The following IFT74 variants were observed in gnomAD, a reference collection of about 807,000 sequenced individuals.
The protein encoded by IFT74 is intraflagellar transport protein 74 homolog.
Under a neutral mutation model 96.7 loss-of-function variants are expected in IFT74, and 92 were observed. That is an observed-to-expected ratio of 0.95 (90% CI 0.80 to 1.13). IFT74 has a LOEUF of 1.13. IFT74 is among the 50% of genes most tolerant of loss of function. The probability of loss-of-function intolerance (pLI) is 0.00; values close to 1 mark genes in which losing one functional copy is unlikely to be tolerated. For synonymous variants in IFT74, 223 were observed against 213.2 expected (o/e 1.05, Z -0.40); for missense variants, 811 against 698.2 (o/e 1.16, Z -1.82).
chr9:27,016,834 T>C (rs1829365036), intron 10 of IFT74, 73 bp from the exon 11 acceptor site: 3 of 1,240,898 alleles, frequency 2.4e-6, no homozygotes, highest in Admixed American at 5.2e-5. Flanking sequence ...CCCATTCTTA[T>C]AAACTGAAAC....
rs1449113390 is a variant in IFT74 at position 27,064,828 on chromosome 9, A to G, written c.*2092A>G. On this transcript the variant is annotated 3_prime_UTR_variant, in exon 20 of 20. Coordinates refer to ENST00000380062, the MANE Select transcript of IFT74 (RefSeq NM_025103.4). ...AACCAACTTAGTAATTTTTACTATT[A>G]GTAATAAGGGTTTTTTTCTGAGTGG... 6.6e-6 allele frequency among the ~76,000 whole-genome samples: 1 copy of G among 152,024 alleles called. No individual in the cohort carries two copies. Among genetic ancestry groups the G allele is most frequent in the Non-Finnish European group, 1.5e-5 (1 of 67,978 alleles).
chr9:26,948,448 A>ATTATTATTTTTTTT (rs1825819541), intron 1 of IFT74, among the ~76,000 whole-genome samples: 23 of 59,166 alleles, frequency 3.9e-4, no homozygotes, highest in Non-Finnish European at 7.3e-4. Context: ...GCTTTCCATT[A>ATTATTATTTTTTTT]TTTTTTTTTT....
At chr9:26,963,360 G>T (rs1826454581) in intron 2 of IFT74, among the ~76,000 whole-genome samples, 1 of 151,650 alleles carries the variant, frequency 6.6e-6, no homozygotes, top group African/African-American at 2.4e-5. Context: ...GTCTATCATT[G>T]TTGGACATTT....
At chr9:26,982,220 G>A (rs985911077) in intron 4 of IFT74, 6 of 298,174 alleles carry the variant, frequency 2.0e-5, no homozygotes, top group African/African-American at 9.1e-5. Flanking sequence ...GTATGTATTT[G>A]GTCAGTTGCT....
At chr9:26,967,681 G>A (rs891615887) in intron 2 of IFT74, among the ~76,000 whole-genome samples, 2 of 152,114 alleles carry the variant, frequency 1.3e-5, no homozygotes, top group Non-Finnish European at 2.9e-5. Flanking sequence ...AGATCTTAGA[G>A]GAAAGGCTTT....
At chr9:27,045,925 A>G (rs1190175020) in intron 14 of IFT74, among the ~76,000 whole-genome samples, 1 of 152,172 alleles carries the variant, frequency 6.6e-6, no homozygotes, top group Non-Finnish European at 1.5e-5. Context: ...ACACCACAGT[A>G]TTGGAAATTA....
chr9:27,016,975 C>A lies in IFT74; in HGVS notation c.858C>A (p.Ser286=), dbSNP rs774018535. The change falls in exon 11 of 20, where the codon TCC becomes TCA. Residue 286 remains serine, a synonymous_variant. Transcript: ENST00000380062. ...LLHEKLYELE[S]HRDQMIAEDK... ...ATGAAAAACTTTATGAGTTGGAGTC[C>A]CATCGAGATCAAATGATTGCAGAAG... 1.2e-6 allele frequency: 2 copies of A among 1,610,022 alleles called. No homozygotes were observed. The highest frequency in any genetic ancestry group is 2.7e-5 in the African/African-American group (2 of 74,658).
intron 10 of IFT74, among the ~76,000 whole-genome samples, chr9:27,014,175 A>G (rs1009675388): frequency 2.6e-5 from 4 of 152,214 alleles, no homozygotes; most frequent in African/African-American, 9.6e-5. Flanking sequence ...AGATCACGCC[A>G]CTGCACTCCA....
chr9:27,047,367 G>T lies in IFT74; in HGVS notation c.1202G>T (p.Ser401Ile). The T allele has an allele frequency of 1.0e-5, 16 of 1,595,940 alleles. No individual in the cohort carries two copies. The highest frequency in any genetic ancestry group is 6.9e-6 in the Non-Finnish European group (8 of 1,164,532). ...ATTGTTGCACTCTTGGAGCACTGCA[G>T]TCGAGTGAGTACCATGTGCCTGTCT... ...ANIVALLEHC[S>I]RNINRIEQIS... The change falls in exon 15 of 20, where the codon AGT (serine) becomes ATT (isoleucine). Residue 401 changes from serine (S) to isoleucine (I), a missense_variant. Physicochemically the swap from Ser to Ile is moderately radical, Grantham distance 142. Transcript: ENST00000380062.
chr9:26,966,367 T>C (rs1826614443), intron 2 of IFT74, among the ~76,000 whole-genome samples: 1 of 152,030 alleles, frequency 6.6e-6, no homozygotes, highest in African/African-American at 2.4e-5. Flanking sequence ...AAAAGTCGTT[T>C]TAACTGGAGT....
chr9:27,035,077 A>G (rs752831677), intron 13 of IFT74, among the ~76,000 whole-genome samples: 1 of 152,264 alleles, frequency 6.6e-6, no homozygotes, highest in Non-Finnish European at 1.5e-5. Flanking sequence ...AATAACATAA[A>G]TGGTAAACAT....
chr9:26,970,106 CT>C (rs1418135216), intron 2 of IFT74, among the ~76,000 whole-genome samples: 1 of 151,986 alleles, frequency 6.6e-6, no homozygotes, highest in Non-Finnish European at 1.5e-5. Context: ...ATACTTTTCT[CT>C]TATTAATTTT....
intron 6 of IFT74, among the ~76,000 whole-genome samples, chr9:26,986,182 T>C (rs962935939): frequency 6.6e-6 from 1 of 152,218 alleles, no homozygotes; most frequent in Non-Finnish European, 1.5e-5. Context: ...ATGGTTAGGA[T>C]AAGATAAGTT....
At chr9:26,971,977 C>A (rs1826901137) in intron 2 of IFT74, among the ~76,000 whole-genome samples, 1 of 152,168 alleles carries the variant, frequency 6.6e-6, no homozygotes, top group African/African-American at 2.4e-5. Context: ...GTTTTTCCAT[C>A]AGTTACTGAA....
intron 8 of IFT74, among the ~76,000 whole-genome samples, chr9:26,997,374 C>G (rs2131572764): frequency 7.2e-6 from 1 of 138,148 alleles, no homozygotes; most frequent in Non-Finnish European, 1.5e-5. Flanking sequence ...CACTCTGTTG[C>G]CCAGGCTGGA....
rs1194958091 is a variant in IFT74, at chr9:27,065,140, A to G, written c.*2404A>G. Among the ~76,000 whole-genome samples, 1 of 152,178 alleles carries G rather than the reference A, an allele frequency of 6.6e-6. No homozygotes were observed. Among genetic ancestry groups the G allele is most frequent in the African/African-American group, 2.4e-5 (1 of 41,452 alleles). On this transcript the variant is annotated 3_prime_UTR_variant, in exon 20 of 20. Transcript: ENST00000380062. ...TTGGCAGGAAAAAAATTTCTTGACA[A>G]AAAGCAAGGCTTTCAATTTCCATCC... is the stretch of plus-strand genomic sequence containing the variant.
intron 1 of IFT74, among the ~76,000 whole-genome samples, chr9:26,961,469 T>G (rs1371015229): frequency 6.6e-6 from 1 of 152,152 alleles, no homozygotes; most frequent in Non-Finnish European, 1.5e-5. Context: ...CCTCCTTTTC[T>G]TTAAAATTGT....
At chr9:27,020,763 C>T (rs956740637) in intron 12 of IFT74, among the ~76,000 whole-genome samples, 1 of 152,038 alleles carries the variant, frequency 6.6e-6, no homozygotes, top group African/African-American at 2.4e-5. Context: ...CGTGACCTAC[C>T]GCGCCTGGCC....
intron 13 of IFT74, among the ~76,000 whole-genome samples, chr9:27,042,654 A>G (rs1209894629): frequency 6.6e-6 from 1 of 152,202 alleles, no homozygotes; most frequent in Non-Finnish European, 1.5e-5. Flanking sequence ...GAAAAAAGAT[A>G]AGATGATAGT....
Sources: gnomAD v4.1 joint callset for allele counts (sites outside exome capture counted in the v4.1 genomes callset) on GRCh38, gnomAD v4.1.1 for gene constraint, MANE v1.5 for transcripts, NCBI Gene and HGNC (gene_info 2026-07-23, HGNC 2026-07-21) for gene names.